Variants in CALN1 observed in about 807,000 individuals in gnomAD.
CALN1 encodes calcium-binding protein 8.
Under a neutral mutation model 30.6 loss-of-function variants are expected in CALN1, and 17 were observed. That is an observed-to-expected ratio of 0.56 (90% confidence interval 0.38 to 0.83). The LOEUF (loss-of-function observed/expected upper bound fraction) is 0.83, where lower values mean the gene tolerates loss of function less well. Among genes scored for constraint, CALN1 ranks in the 40% least tolerant of loss-of-function variants. The pLI is 0.00. For synonymous variants in CALN1, 156 were observed against 131.4 expected (o/e 1.19, Z -1.28); for missense variants, 291 against 354.9 (o/e 0.82, Z 1.45).
At chr7:72,189,125 T>A (rs1457163990) in intron 3 of CALN1, among the ~76,000 whole-genome samples, 1 of 152,270 alleles carries the variant, frequency 6.6e-6, no homozygotes, top group South Asian at 2.1e-4. Flanking sequence ...TTATCCAGGT[T>A]AAAAACATAC....
intron 5 of CALN1, among the ~76,000 whole-genome samples, chr7:71,993,826 GAC>G (rs1360934877): frequency 6.6e-6 from 1 of 152,116 alleles, no homozygotes; most frequent in African/African-American, 2.4e-5. Flanking sequence ...TATCACTTGA[GAC>G]ACGATACGCT....
chr7:72,061,338 T>C (rs555040140), intron 4 of CALN1, among the ~76,000 whole-genome samples: 1 of 152,194 alleles, frequency 6.6e-6, no homozygotes, highest in Non-Finnish European at 1.5e-5. Context: ...GAAAAAGATG[T>C]TAATGAAACC....
At chr7:72,039,765 T>C (rs1316345158) in intron 4 of CALN1, among the ~76,000 whole-genome samples, 2 of 152,058 alleles carry the variant, frequency 1.3e-5, no homozygotes, top group African/African-American at 4.8e-5. Flanking sequence ...CTACTGAAAA[T>C]GTCCTCCCCA....
At chr7:72,416,526 G>C (rs1335003672), upstream of CALN1, among the ~76,000 whole-genome samples, 1 of 152,090 alleles carries the variant, frequency 6.6e-6, no homozygotes, top group East Asian at 1.9e-4. Flanking sequence ...CCTAATGTCA[G>C]GTGTTCAAGA....
At chr7:72,255,113 T>C (rs915448628) in intron 3 of CALN1, among the ~76,000 whole-genome samples, 19 of 145,712 alleles carry the variant, frequency 1.3e-4, no homozygotes, top group Non-Finnish European at 2.1e-4. Context: ...TGAGACGGAA[T>C]CTCTCTCTGT....
At chr7:71,843,114 T>C (rs1420569589) in intron 5 of CALN1, among the ~76,000 whole-genome samples, 2 of 152,140 alleles carry the variant, frequency 1.3e-5, no homozygotes, top group African/African-American at 2.4e-5. Flanking sequence ...AAACATATAA[T>C]TGATAGAAGC....
intron 2 of CALN1, among the ~76,000 whole-genome samples, chr7:72,334,574 G>A (rs1447650140): frequency 6.6e-6 from 1 of 151,882 alleles, no homozygotes; most frequent in Non-Finnish European, 1.5e-5. Flanking sequence ...ATCAAGTCTT[G>A]CCCATCGTTT....
At chr7:71,888,327 T>C (rs1421702093) in intron 5 of CALN1, among the ~76,000 whole-genome samples, 1 of 151,730 alleles carries the variant, frequency 6.6e-6, no homozygotes, top group Admixed American at 6.6e-5. Flanking sequence ...AAATCGACTG[T>C]AGGGATGACT....
intron 4 of CALN1, among the ~76,000 whole-genome samples, chr7:72,033,374 C>T (rs1051304334): frequency 6.6e-6 from 1 of 152,218 alleles, no homozygotes; most frequent in African/African-American, 2.4e-5. Context: ...AAATGTCTAT[C>T]TGAGACTCCA....
At chr7:72,197,118 A>C (rs748815579) in intron 3 of CALN1, among the ~76,000 whole-genome samples, 28 of 147,046 alleles carry the variant, frequency 1.9e-4, no homozygotes, top group Non-Finnish European at 3.1e-4. Flanking sequence ...TTATTGCTTA[A>C]TTTGTTTTCC....
At chr7:72,357,786 G>C (rs868083887) in intron 2 of CALN1, among the ~76,000 whole-genome samples, 8 of 149,530 alleles carry the variant, frequency 5.4e-5, no homozygotes, top group Middle Eastern at 3.6e-3. Flanking sequence ...GAAGAAAATG[G>C]TCATGGGGTA....
At chr7:72,315,991 A>G (rs370456058) in intron 2 of CALN1, among the ~76,000 whole-genome samples, 11 of 152,142 alleles carry the variant, frequency 7.2e-5, no homozygotes, top group African/African-American at 2.4e-4. Flanking sequence ...TACTAAAAAA[A>G]AATACAAAAA....
chr7:72,054,544 C>CATAT (rs35330773), intron 4 of CALN1, among the ~76,000 whole-genome samples: 1,802 of 95,062 alleles, frequency 0.019, 112 homozygotes, highest in African/African-American at 0.053. Context: ...TATATATATA[C>CATAT]ATATATATAT....
At chr7:71,844,970 A>G (rs570381710) in intron 5 of CALN1, among the ~76,000 whole-genome samples, 2 of 151,972 alleles carry the variant, frequency 1.3e-5, no homozygotes, top group South Asian at 4.2e-4. Context: ...GCTCACTGCA[A>G]CCTCTGCCAC....
Position 72,410,535 on chromosome 7 carries a change from T to C in CALN1, c.-74+1523A>G, listed in dbSNP as rs4437531. Among the ~76,000 whole-genome samples, 3,854 of 152,264 alleles carry C rather than the reference T, an allele frequency of 0.025. 292 individuals are homozygous for C. The East Asian group carries it at 0.28, about 11-fold the overall frequency. On this transcript the variant is annotated intron_variant, in intron 1 of 6. Coordinates refer to ENST00000395275, the MANE Select transcript of CALN1 (RefSeq NM_031468.4). ...ACACAAGCAAAGCCAAAATTTTAAG[T>C]CCACATCTGAAAACTGAAATGAGCT...
intron 2 of CALN1, among the ~76,000 whole-genome samples, chr7:72,286,104 G>A (rs1562840180): frequency 6.6e-6 from 1 of 152,220 alleles, no homozygotes; most frequent in Admixed American, 6.5e-5. Context: ...GTGCAGCCTT[G>A]AAGTCAGAGA....
chr7:71,971,961 G>GA lies in CALN1; in HGVS notation c.501+51695dup, dbSNP rs1404015850. 2.8e-4 allele frequency among the ~76,000 whole-genome samples: 19 copies of GA among 67,876 alleles called. 1 individual carries two copies. Among genetic ancestry groups the GA allele is most frequent in the African/African-American group, 1.2e-3 (18 of 15,650 alleles). 44.5% of individuals were successfully genotyped at this position (67,876 alleles called of 152,430 possible). ...AAAAAAAAAAAAAAAAAAAAAGAAA[G>GA]AAAGAAAGAAAGAAAGAAAGAAAGA... is the stretch of plus-strand genomic sequence containing the variant. On this transcript the variant is annotated intron_variant, in intron 5 of 6. Coordinates refer to ENST00000395275, the MANE Select transcript of CALN1 (RefSeq NM_031468.4).
chr7:72,486,786 C>T, the CALN1 span, among the ~76,000 whole-genome samples: 74 of 152,210 alleles, frequency 4.9e-4, no homozygotes, highest in Non-Finnish European at 7.2e-4. Context: ...TATATTTTCT[C>T]CAATTTCTTC....
chr7:72,301,534 G>T (rs907862549), intron 2 of CALN1, among the ~76,000 whole-genome samples: 2 of 150,314 alleles, frequency 1.3e-5, no homozygotes, highest in Non-Finnish European at 2.9e-5. Flanking sequence ...CTGTAACCCA[G>T]GAGGCAGAGG....
Sources: gnomAD v4.1 joint callset for allele counts (sites outside exome capture counted in the v4.1 genomes callset) on GRCh38, gnomAD v4.1.1 for gene constraint, MANE v1.5 for transcripts, NCBI Gene and HGNC (gene_info 2026-07-23, HGNC 2026-07-21) for gene names.